Variants in TNFRSF9 observed in about 807,000 individuals in gnomAD.
The protein encoded by TNFRSF9 is tumor necrosis factor receptor superfamily member 9.
Under a neutral mutation model 28.8 loss-of-function variants are expected in TNFRSF9, and 16 were observed. The ratio of observed to expected loss-of-function variants is 0.55; its 90% CI spans 0.38 to 0.84. The LOEUF (loss-of-function observed/expected upper bound fraction) is 0.84, where lower values mean the gene tolerates loss of function less well. Ranked by LOEUF, TNFRSF9 falls within the 40% of genes least tolerant of loss-of-function variation. The pLI, the probability that TNFRSF9 is intolerant of heterozygous loss-of-function variation, is 0.00. For missense variants in TNFRSF9, 303 were observed against 315.0 expected (o/e 0.96, Z 0.29); for synonymous variants, 131 against 117.0 (o/e 1.12, Z -0.77).
chr1:7,933,404 C>G (rs749868713), intron 6 of TNFRSF9, 108 bp from the exon 7 acceptor site: 1 of 1,345,576 alleles, frequency 7.4e-7, no homozygotes, highest in East Asian at 2.6e-5. Flanking sequence ...GAATCACAGC[C>G]TTGGGCATCT....
chr1:7,934,891 G>T, intron 6 of TNFRSF9, 122 bp downstream of exon 6: 2 of 1,306,944 alleles, frequency 1.5e-6, no homozygotes, highest in African/African-American at 1.5e-5. Flanking sequence ...CTGAGGGCAG[G>T]ATTCAGGAAG....
In TNFRSF9 at chr1:7,938,243, C is replaced by T; in HGVS notation, c.296G>A (p.Cys99Tyr). The T allele has an allele frequency of 6.2e-7, 1 of 1,607,710 alleles. No individual in the cohort carries two copies. Among genetic ancestry groups the T allele is most frequent in the Non-Finnish European group, 8.5e-7 (1 of 1,177,418 alleles). The change falls in exon 4 of 8, where the codon TGC (cysteine) becomes TAC (tyrosine). Residue 99 changes from cysteine to tyrosine, a missense_variant. By Grantham distance (194) the Cys-to-Tyr change is radical. Transcript: ENST00000377507. ...TPGFHCLGAG[C>Y]SMCEQDCKQG... Reference sequence around the variant, plus strand: ...TTTACAATCCTGTTCACACATGCTGCATCCTGCCCCCAGGCAGTGAAACCC... The same window carrying T: ...TTTACAATCCTGTTCACACATGCTGTATCCTGCCCCCAGGCAGTGAAACCC...
chr1:7,932,485 G>A (rs185700356), intron 7 of TNFRSF9, among the ~76,000 whole-genome samples: 75 of 152,282 alleles, frequency 4.9e-4, no homozygotes, highest in Middle Eastern at 3.4e-3. Context: ...AATTTTTCAT[G>A]TAATCCATAC....
Position 7,933,231 on chromosome 1 carries a change from A to G in TNFRSF9, c.610T>C (p.Phe204Leu). The G allele has an allele frequency of 6.2e-7, 1 of 1,614,076 alleles. No homozygotes were observed. The highest frequency in any genetic ancestry group is 8.5e-7 in the Non-Finnish European group (1 of 1,179,924). The change falls in exon 7 of 8, where the codon TTC (phenylalanine) becomes CTC (leucine). Residue 204 changes from phenylalanine (F) to leucine (L), a missense_variant. Coordinates refer to ENST00000377507, the MANE Select transcript of TNFRSF9 (RefSeq NM_001561.6). ...LTSTALLFLL[F>L]FLTLRFSVVK... ...ACAGAGAAACGGAGCGTGAGGAAGAACAGCAGGAAGAGCAACGCAGTCGAC... is the reference window on the plus strand; with the variant it reads ...ACAGAGAAACGGAGCGTGAGGAAGAGCAGCAGGAAGAGCAACGCAGTCGAC...
intron 7 of TNFRSF9, among the ~76,000 whole-genome samples, chr1:7,928,495 G>A (rs1368526003): frequency 6.6e-6 from 1 of 152,192 alleles, no homozygotes; most frequent in Non-Finnish European, 1.5e-5. Flanking sequence ...CAGCAACTTG[G>A]ATGGATATCA....
chr1:7,938,095 G>GTTCTACAAATCTGTTTGTTTATTTTCA, intron 4 of TNFRSF9, 98 bp downstream of exon 4: 1 of 1,166,224 alleles, frequency 8.6e-7, no homozygotes, highest in Non-Finnish European at 1.2e-6. Context: ...TTACTTTAAG[G>GTTCTACAAATCTGTTTGTTTATTTTCA]TTCTACAAAT....
At chr1:7,923,314 T>A (rs916784852) in intron 7 of TNFRSF9, among the ~76,000 whole-genome samples, 5 of 152,180 alleles carry the variant, frequency 3.3e-5, no homozygotes, top group African/African-American at 1.2e-4. Context: ...ACTTCCACCC[T>A]CACGGCTGAT....
intron 7 of TNFRSF9, among the ~76,000 whole-genome samples, chr1:7,930,662 A>G (rs541054135): frequency 2.8e-4 from 43 of 152,244 alleles, no homozygotes; most frequent in African/African-American, 9.6e-4. Context: ...CCAGCTATTT[A>G]GTAGGCTGAG....
At chr1:7,924,294 C>CATATGTATATATATATATAT (rs1238435280) in intron 7 of TNFRSF9, among the ~76,000 whole-genome samples, 3 of 129,994 alleles carry the variant, frequency 2.3e-5, no homozygotes, top group African/African-American at 8.6e-5. Context: ...TAGTATATTC[C>CATATGTATATATATATATAT]ATATATATAT....
intron 2 of TNFRSF9, among the ~76,000 whole-genome samples, chr1:7,939,122 C>A (rs975109625): frequency 2.0e-5 from 3 of 152,016 alleles, no homozygotes; most frequent in African/African-American, 7.2e-5. Flanking sequence ...CAGTTCAAGA[C>A]CAGCTTGGCC....
At chr1:7,932,722 CACACACACACAT>C (rs1251484727) in intron 7 of TNFRSF9, among the ~76,000 whole-genome samples, 1 of 143,770 alleles carries the variant, frequency 7.0e-6, no homozygotes, top group Non-Finnish European at 1.5e-5. Context: ...CACAGACACG[CACACACACACAT>C]ACACACACAC....
chr1:7,938,379 A>G, intron 3 of TNFRSF9, 49 bp from the exon 4 acceptor site: 1 of 1,501,468 alleles, frequency 6.7e-7, no homozygotes, highest in South Asian at 1.3e-5. Flanking sequence ...TGACCTCCAA[A>G]TCCAGGAAGC....
At chr1:7,923,797 C>T (rs1639597238) in intron 7 of TNFRSF9, among the ~76,000 whole-genome samples, 1 of 152,126 alleles carries the variant, frequency 6.6e-6, no homozygotes, top group Non-Finnish European at 1.5e-5. Context: ...GTGATCATGC[C>T]ACTGCACTCC....
At chr1:7,921,833 A>G (rs531208622) in intron 7 of TNFRSF9, 18 of 152,308 alleles carry the variant, frequency 1.2e-4, no homozygotes, top group African/African-American at 4.3e-4. Flanking sequence ...TACATTAGCT[A>G]AAAAAGCATG....
Position 7,920,692 on chromosome 1 carries a change from G to A in TNFRSF9, c.*143C>T. 1 of 670,688 alleles carries A rather than the reference G, an allele frequency of 1.5e-6. No individual in the cohort carries two copies. The highest frequency in any genetic ancestry group is 2.6e-6 in the Non-Finnish European group (1 of 386,048). The allele number at this position is 670,688 out of a possible 1,614,324, so 41.5% of individuals were successfully genotyped here. A position where few individuals can be genotyped will look rare whatever the true frequency, so the allele number is the denominator to read the frequency against. On this transcript the variant is annotated 3_prime_UTR_variant, in exon 8 of 8. Coordinates refer to ENST00000377507, the MANE Select transcript of TNFRSF9 (RefSeq NM_001561.6). Reference sequence around the variant, plus strand: ...GTGCATTTTTAAAGGCCAACTCATTGGCATTTAGAAAAGAACGTGTGTTGG... The same window carrying A: ...GTGCATTTTTAAAGGCCAACTCATTAGCATTTAGAAAAGAACGTGTGTTGG...
At chr1:7,938,049 TATTA>T (rs1639848164) in intron 4 of TNFRSF9, 140 bp downstream of exon 4, 1 of 598,816 alleles carries the variant, frequency 1.7e-6, no homozygotes, top group Non-Finnish European at 2.5e-6. Flanking sequence ...TGAAATATTT[TATTA>T]ATTAAAATAT....
chr1:7,938,230 T>C lies in TNFRSF9; in HGVS notation c.309A>G (p.Glu103=), dbSNP rs879508796. ...GTTCTTGACCTTGTTTACAATCCTG[T>C]TCACACATGCTGCATCCTGCCCCCA... The part of the protein sequence containing the change: ...HCLGAGCSMC[E]QDCKQGQELT... The change falls in exon 4 of 8, where the codon GAA becomes GAG. Residue 103 remains glutamate, a synonymous_variant. Transcript: ENST00000377507. 3 of 1,606,062 alleles carry C rather than the reference T, an allele frequency of 1.9e-6. No individual in the cohort carries two copies. Among genetic ancestry groups the C allele is most frequent in the Non-Finnish European group, 2.5e-6 (3 of 1,176,700 alleles).
intron 5 of TNFRSF9, 114 bp from the exon 6 acceptor site, chr1:7,935,257 G>T: frequency 8.3e-7 from 1 of 1,208,234 alleles, no homozygotes; most frequent in South Asian, 1.6e-5. Flanking sequence ...AGATATATGG[G>T]TCTGGGTTCG....
intron 1 of TNFRSF9, among the ~76,000 whole-genome samples, chr1:7,940,358 G>A (rs150501109): frequency 7.0e-4 from 107 of 152,314 alleles, no homozygotes; most frequent in African/African-American, 2.4e-3. Context: ...AACTTTTGGG[G>A]ACTTTCATAG....
Sources: gnomAD v4.1 joint callset for allele counts (sites outside exome capture counted in the v4.1 genomes callset) on GRCh38, gnomAD v4.1.1 for gene constraint, MANE v1.5 for transcripts, NCBI Gene and HGNC (gene_info 2026-07-23, HGNC 2026-07-21) for gene names.